PAX4: variants seen among roughly 807,000 people sequenced by gnomAD.
PAX4 encodes the protein paired box protein Pax-4.
Under a neutral mutation model 40.6 loss-of-function variants are expected in PAX4, and 33 were observed. The ratio of observed to expected loss-of-function variants is 0.81; its 90% CI spans 0.62 to 1.09. The LOEUF is 1.09. PAX4 is among the 50% of genes least tolerant of loss of function. The pLI is 0.00. For synonymous variants in PAX4, 174 were observed against 170.6 expected, an observed-to-expected ratio of 1.02 and a Z score of -0.16; for missense variants, 459 against 442.5, an observed-to-expected ratio of 1.04 and a Z score of -0.33.
chr7:127,613,068 G>C lies in PAX4; in HGVS notation c.669C>G (p.Ala223=). 1 of 1,613,518 alleles carries C rather than the reference G, an allele frequency of 6.2e-7. No individual in the cohort carries two copies. The highest frequency in any genetic ancestry group is 8.5e-7 in the Non-Finnish European group (1 of 1,179,976). Residue 223 remains alanine (A), a synonymous_variant, in exon 9 of 12, where the codon GCC becomes GCG. Transcript: ENST00000639438. The part of the protein sequence containing the change: ...TVRVWFSNRR[A]KWRRQEKLKW... ...TGAGCTTCTCTTGCCGACGCCATTTGGCTCTTCTGTTGGAAAACCAGACCT... is the reference window on the plus strand; with the variant it reads ...TGAGCTTCTCTTGCCGACGCCATTTCGCTCTTCTGTTGGAAAACCAGACCT...
At chr7:127,615,285 T>A in intron 4 of PAX4, 116 bp downstream of exon 4, 1 of 1,605,882 alleles carries the variant, frequency 6.2e-7, no homozygotes, top group Non-Finnish European at 8.5e-7. Context: ...TCCCAGGAAG[T>A]GACCCAAGTC....
In PAX4 at chr7:127,610,540, AATG is replaced by A. The variant is rs1240306453; in HGVS notation, c.*521_*523del. ...ATTTAGGAATAAAATGCCATGATAT[AATG>A]TCAGTGTGTGTGTGTGTGTGTGTGT... is the stretch of plus-strand genomic sequence containing the variant. On this transcript the variant is annotated 3_prime_UTR_variant, in exon 12 of 12. Transcript: ENST00000639438. The A allele has an allele frequency of 4.8e-6, 1 of 206,556 alleles. No homozygotes were observed. The highest frequency in any genetic ancestry group is 6.5e-5 in the Admixed American group (1 of 15,324). The allele number at this position is 206,556 out of a possible 1,614,324, so 12.8% of individuals were successfully genotyped here.
rs1378890694 is a variant in PAX4, at chr7:127,612,519, A to AT, written c.715+502dup. ...GATGGATGGATGGATGGATAAATGG[A>AT]TAGGTAGATAGGTGGGTGAGCAGAT... On this transcript the variant is annotated intron_variant, in intron 9 of 11. Coordinates refer to ENST00000639438, the MANE Select transcript of PAX4 (RefSeq NM_001366110.1). Among the ~76,000 whole-genome samples the AT allele has an allele frequency of 2.0e-5, 3 of 148,604 alleles. No individual in the cohort carries two copies. In the East Asian group the frequency reaches 6.0e-4, roughly 30 times the overall value.
chr7:127,615,916 C>T lies in PAX4; in HGVS notation c.13G>A (p.Gly5Arg), dbSNP rs538664131. Residue 5 changes from glycine to arginine, a missense_variant and splice_region_variant, in exon 3 of 12, where the codon GGG (glycine) becomes AGG (arginine). Transcript: ENST00000639438. ...TTCCCACTTCCCCCAGGCTCCTCACCGTCCTGATGCATGCTCCAGGCTGAC... is the reference window on the plus strand; with the variant it reads ...TTCCCACTTCCCCCAGGCTCCTCACTGTCCTGATGCATGCTCCAGGCTGAC... MHQD[G>R]ISSMNQLGGL... 40 of 1,536,136 alleles carry T rather than the reference C, an allele frequency of 2.6e-5. No individual in the cohort carries two copies. The highest frequency in any genetic ancestry group is 1.5e-4 in the African/African-American group (11 of 73,172).
chr7:127,612,563 C>CTGGA, intron 9 of PAX4, among the ~76,000 whole-genome samples: 1 of 139,366 alleles, frequency 7.2e-6, no homozygotes, highest in Admixed American at 7.2e-5. Context: ...GACTGGCTGG[C>CTGGA]TGGATGGATG....
At chr7:127,611,291 G>A in intron 11 of PAX4, 85 bp from the exon 12 acceptor site, 1 of 1,364,232 alleles carries the variant, frequency 7.3e-7, no homozygotes, top group East Asian at 2.5e-5. Flanking sequence ...TGAGACATCA[G>A]TTTCCCACCC....
chr7:127,612,467 G>GTGGATGGATGGATGGA (rs68012321), intron 9 of PAX4, among the ~76,000 whole-genome samples: 1 of 141,836 alleles, frequency 7.1e-6, no homozygotes, highest in African/African-American at 2.8e-5. Context: ...GAATGAATGG[G>GTGGATGGATGGATGGA]TGGATGGATG....
chr7:127,610,929 G>A lies in PAX4; in HGVS notation c.*135C>T. Reference sequence around the variant, plus strand: ...TGCGCCAGAGAGGCATCGAGGCAGGGCCAGGCAACGTCCACACAGGAGGGA... The same window carrying A: ...TGCGCCAGAGAGGCATCGAGGCAGGACCAGGCAACGTCCACACAGGAGGGA... On this transcript the variant is annotated 3_prime_UTR_variant, in exon 12 of 12. Transcript: ENST00000639438. 6.5e-7 allele frequency: 1 copy of A among 1,548,524 alleles called. No individual in the cohort carries two copies. The highest frequency in any genetic ancestry group is 8.7e-7 in the Non-Finnish European group (1 of 1,146,996).
At chr7:127,611,790 G>T in intron 10 of PAX4, 114 bp from the exon 11 acceptor site, 2 of 1,599,838 alleles carry the variant, frequency 1.3e-6, no homozygotes, top group Non-Finnish European at 1.7e-6. Flanking sequence ...ACTCCAGAGG[G>T]CACCATTCAC....
chr7:127,613,797 C>A lies in PAX4; in HGVS notation c.521G>T (p.Arg174Leu), dbSNP rs776151854. ...TGCTTGGCTTGGGGAGAAGATAGTC[C>A]GATTCCGGTGGCCGGTCCCTGGGTG... ...GTHPGTGHRN[R>L]TIFSPSQAEA... is the part of the protein sequence containing the mutation. Residue 174 changes from arginine to leucine, a missense_variant, in exon 7 of 12, where the codon CGG (arginine) becomes CTG (leucine). Physicochemically the swap from Arg to Leu is moderately radical, Grantham distance 102 (BLOSUM62 -2). Coordinates refer to ENST00000639438, the MANE Select transcript of PAX4 (RefSeq NM_001366110.1). The A allele has an allele frequency of 6.2e-7, 1 of 1,613,978 alleles. No individual in the cohort carries two copies. Among genetic ancestry groups the A allele is most frequent in the Non-Finnish European group, 8.5e-7 (1 of 1,179,994 alleles).
chr7:127,617,344 C>A lies in PAX4; in HGVS notation c.-169G>T, dbSNP rs373473544. On this transcript the variant is annotated 5_prime_UTR_variant, in exon 2 of 12. Coordinates refer to ENST00000639438, the MANE Select transcript of PAX4 (RefSeq NM_001366110.1). ...CTTTCCAAAAAGTCGGGAAAGAAGGCAGAGGTTTTCCAAAGAGAAAACTGA... is the reference window on the plus strand; with the variant it reads ...CTTTCCAAAAAGTCGGGAAAGAAGGAAGAGGTTTTCCAAAGAGAAAACTGA... 3.9e-5 allele frequency: 6 copies of A among 152,250 alleles called. No individual in the cohort carries two copies. The South Asian group carries it at 1.0e-3, about 26-fold the overall frequency. 9.4% of individuals were successfully genotyped at this position (152,250 alleles called of 1,614,324 possible).
chr7:127,611,783 C>G (rs761042337), intron 10 of PAX4, 107 bp from the exon 11 acceptor site: 73 of 1,600,212 alleles, frequency 4.6e-5, no homozygotes, highest in Non-Finnish European at 5.4e-5. Flanking sequence ...CTGCACAACT[C>G]CAGAGGGCAC....
At chr7:127,613,118 T>C in intron 8 of PAX4, 27 bp from the exon 9 acceptor site, 1 of 1,583,694 alleles carries the variant, frequency 6.3e-7, no homozygotes, top group Non-Finnish European at 8.7e-7. Context: ...ACAATGCAGC[T>C]GGCTGTACTT....
In PAX4 at chr7:127,617,334, G is replaced by A. The variant is rs933593289; in HGVS notation, c.-159C>T. ...AAATTCTCATCTTTCCAAAAAGTCG[G>A]GAAAGAAGGCAGAGGTTTTCCAAAG... On this transcript the variant is annotated 5_prime_UTR_variant, in exon 2 of 12. Coordinates refer to ENST00000639438, the MANE Select transcript of PAX4 (RefSeq NM_001366110.1). 2 of 152,178 alleles carry A rather than the reference G, an allele frequency of 1.3e-5. No individual in the cohort carries two copies. Among genetic ancestry groups the A allele is most frequent in the African/African-American group, 4.8e-5 (2 of 41,442 alleles). The allele number at this position is 152,178 out of a possible 1,614,324, so 9.4% of individuals were successfully genotyped here. A position where few individuals can be genotyped will look rare whatever the true frequency, so the allele number is the denominator to read the frequency against.
rs1007004648 is a variant in PAX4 at position 127,610,768 on chromosome 7, T to C, written c.*296A>G. 1 of 992,942 alleles carries C rather than the reference T, an allele frequency of 1.0e-6. No homozygotes were observed. Among genetic ancestry groups the C allele is most frequent in the Non-Finnish European group, 1.5e-6 (1 of 657,794 alleles). 61.5% of individuals were successfully genotyped at this position (992,942 alleles called of 1,614,324 possible). A position where few individuals can be genotyped will look rare whatever the true frequency, so the allele number is the denominator to read the frequency against. On this transcript the variant is annotated 3_prime_UTR_variant, in exon 12 of 12. Coordinates refer to ENST00000639438, the MANE Select transcript of PAX4 (RefSeq NM_001366110.1). ...TTGAATATTAGAGTGGGCATAGGGG[T>C]GCTCATAGGGAAAACATGATGGACA...
In PAX4 at chr7:127,614,479, C is replaced by A; in HGVS notation, c.436+3G>T. 1 of 1,591,064 alleles carries A rather than the reference C, an allele frequency of 6.3e-7. No individual in the cohort carries two copies. The highest frequency in any genetic ancestry group is 8.6e-7 in the Non-Finnish European group (1 of 1,167,870). On this transcript the variant is annotated splice_donor_region_variant and intron_variant, in intron 6 of 11. Transcript: ENST00000639438. ...TAGCCCTGGGGACAACTCCAAGACC[C>A]ACCTGGTGACCTGAGCCGTGTGCAC...
Position 127,615,279 on chromosome 7 carries a change from A to G in PAX4, c.144+122T>C, listed in dbSNP as rs2116143411. ...TTTTCAACCTCCGAGAGGATCTCCC[A>G]GGAAGTGACCCAAGTCCCAGAAGCC... On this transcript the variant is annotated intron_variant, in intron 4 of 11. Transcript: ENST00000639438. 27 of 1,604,756 alleles carry G rather than the reference A, an allele frequency of 1.7e-5. 1 individual carries two copies. In the South Asian group the frequency reaches 2.9e-4, roughly 17 times the overall value.
chr7:127,611,998 C>T lies in PAX4; in HGVS notation c.718G>A (p.Ala240Thr). The T allele has an allele frequency of 6.2e-7, 1 of 1,613,916 alleles. No homozygotes were observed. Among genetic ancestry groups the T allele is most frequent in the Non-Finnish European group, 8.5e-7 (1 of 1,179,896 alleles). ...KLKWEMQLPG[A>T]SQGLTVPRVA... ...CTTGGTACAGTCAGCCCCTGGGAAG[C>T]ACCTATAAAATGAGAGTGAATCCAC... Residue 240 changes from alanine (A) to threonine (T), a missense_variant and splice_region_variant, in exon 10 of 12, where the codon GCT (alanine) becomes ACT (threonine). Transcript: ENST00000639438.
rs773372875 is a variant in PAX4, at chr7:127,611,088, G to C, written c.1032C>G (p.Cys344Trp). The change falls in exon 12 of 12, where the codon TGC becomes TGG. Residue 344 changes from cysteine to tryptophan, a missense_variant. Transcript: ENST00000639438. The part of the protein sequence containing the change: ...SGSQALLWPG[C>W]PLLYGLE ...CTCATTCCAAGCCATACAGTAGTGGGCAGCCAGGCCAGAGCAGGGCCTGAG... is the reference window on the plus strand; with the variant it reads ...CTCATTCCAAGCCATACAGTAGTGGCCAGCCAGGCCAGAGCAGGGCCTGAG... The C allele has an allele frequency of 6.2e-7, 1 of 1,607,132 alleles. No homozygotes were observed. The highest frequency in any genetic ancestry group is 1.7e-5 in the Admixed American group (1 of 59,416).
Sources: allele counts gnomAD v4.1 joint callset (sites outside exome capture counted in the v4.1 genomes callset), GRCh38; gene constraint gnomAD v4.1.1; transcripts MANE v1.5; gene names NCBI Gene and HGNC (gene_info 2026-07-23, HGNC 2026-07-21).